The following CRPPA variants were observed in gnomAD, a reference collection of about 807,000 sequenced individuals.
CRPPA encodes the protein CDP-L-ribitol pyrophosphorylase A.
In CRPPA, 43 loss-of-function variants were observed where a neutral mutation model predicts 52.0. The ratio of observed to expected loss-of-function variants is 0.83; its 90% confidence interval spans 0.65 to 1.07. The LOEUF is 1.07. CRPPA is among the 50% of genes least tolerant of loss of function. CRPPA has a pLI of 0.00. For synonymous variants in CRPPA, 250 were observed against 203.5 expected (o/e 1.23, Z -1.94); for missense variants, 629 against 551.7 (o/e 1.14, Z -1.40).
intron 2 of CRPPA, among the ~76,000 whole-genome samples, chr7:16,397,284 A>G (rs1268279229): frequency 6.6e-6 from 1 of 152,190 alleles, no homozygotes; most frequent in Non-Finnish European, 1.5e-5. Context: ...GGGTGACACA[A>G]TTGTGACAAG....
intron 3 of CRPPA, among the ~76,000 whole-genome samples, chr7:16,360,877 C>G (rs1786425485): frequency 6.6e-6 from 1 of 151,912 alleles, no homozygotes; most frequent in Non-Finnish European, 1.5e-5. Flanking sequence ...ATAAATTAGA[C>G]CATATCTAAA....
chr7:16,286,039 ATATAAATATATATATATATAT>A (rs1784428548), intron 5 of CRPPA, among the ~76,000 whole-genome samples: 16 of 23,950 alleles, frequency 6.7e-4, no homozygotes, highest in African/African-American at 4.5e-3. Flanking sequence ...AAAAAAAAAA[ATATAAATATATATATATATAT>A]ATATATATAT....
intron 2 of CRPPA, among the ~76,000 whole-genome samples, chr7:16,401,309 T>C (rs1787812243): frequency 6.6e-6 from 1 of 152,212 alleles, no homozygotes; most frequent in East Asian, 1.9e-4. Context: ...TTCTTTATTA[T>C]TCAACAGACT....
At chr7:16,221,881 A>C (rs1368946730) in intron 8 of CRPPA, among the ~76,000 whole-genome samples, 4 of 151,500 alleles carry the variant, frequency 2.6e-5, no homozygotes, top group African/African-American at 9.7e-5. Flanking sequence ...TGTGGAAGTC[A>C]GTGTGGCGAT....
At chr7:16,301,386 A>G in intron 5 of CRPPA, 35 bp downstream of exon 5, 1 of 1,582,456 alleles carries the variant, frequency 6.3e-7, no homozygotes, top group South Asian at 1.1e-5. Context: ...ACATTTTTGA[A>G]ACACAGGAAC....
intron 2 of CRPPA, among the ~76,000 whole-genome samples, chr7:16,387,070 T>TATATATATATACAC (rs1410453066): frequency 1.5e-4 from 10 of 67,584 alleles, no homozygotes; most frequent in South Asian, 6.8e-4. Flanking sequence ...TATATATATA[T>TATATATATATACAC]ATATATATAT....
At position 16,406,260 on chromosome 7, in the gene CRPPA, TA is replaced by T; in HGVS notation, c.334del (p.Tyr112IlefsTer13). On this transcript the variant is annotated frameshift_variant, in exon 2 of 10. Coordinates refer to ENST00000407010, the MANE Select transcript of CRPPA (RefSeq NM_001101426.4). LOFTEE classifies it high-confidence loss of function. ...MEVMKSIIQK[Y>X]QHKRISLVEA... ...GACCAGTGAGATGCGTTTATGCTGATACTTCTGAATAATACTTTTCATTACT... is the reference window on the plus strand; with the variant it reads ...GACCAGTGAGATGCGTTTATGCTGATCTTCTGAATAATACTTTTCATTACT... 6.2e-7 allele frequency: 1 copy of T among 1,613,940 alleles called. No homozygotes were observed. Among genetic ancestry groups the T allele is most frequent in the Non-Finnish European group, 8.5e-7 (1 of 1,179,830 alleles).
intron 9 of CRPPA, among the ~76,000 whole-genome samples, chr7:16,162,755 C>T (rs74415581): frequency 6.6e-6 from 1 of 152,024 alleles, no homozygotes; most frequent in Non-Finnish European, 1.5e-5. Flanking sequence ...TCTCATTGAT[C>T]TGTCTAATAT....
Position 16,286,858 on chromosome 7 carries a change from C to T in CRPPA, c.836-8632G>A, listed in dbSNP as rs903684155. ...GAATCTAAGTATTCCTGAGGAAAGGCTTTTCAGTATAGGGTTTCAGAAAAA... is the reference window on the plus strand; with the variant it reads ...GAATCTAAGTATTCCTGAGGAAAGGTTTTTCAGTATAGGGTTTCAGAAAAA... On this transcript the variant is annotated intron_variant, in intron 5 of 9. Coordinates refer to ENST00000407010, the MANE Select transcript of CRPPA (RefSeq NM_001101426.4). Among the ~76,000 whole-genome samples, 17 of 152,248 alleles carry T rather than the reference C, an allele frequency of 1.1e-4. No homozygotes were observed. The East Asian group carries it at 2.9e-3, about 26-fold the overall frequency.
chr7:16,272,865 C>A (rs1431088712), intron 6 of CRPPA, among the ~76,000 whole-genome samples: 1 of 151,938 alleles, frequency 6.6e-6, no homozygotes, highest in African/African-American at 2.4e-5. Context: ...TTCCCTATTT[C>A]CATTTGTAAA....
rs553805946 is a variant in CRPPA, at chr7:16,211,009, A to G, written c.1251+5057T>C. On this transcript the variant is annotated intron_variant, in intron 9 of 9. Coordinates refer to ENST00000407010, the MANE Select transcript of CRPPA (RefSeq NM_001101426.4). ...TTCCTAGCACAAAGAAAAGATAAAT[A>G]TTCAAGGTGATGAATATCCTGATTA... Among the ~76,000 whole-genome samples the G allele has an allele frequency of 3.3e-4, 50 of 152,322 alleles. 1 individual carries two copies. Among genetic ancestry groups the G allele is most frequent in the African/African-American group, 1.2e-3 (48 of 41,576 alleles).
chr7:16,399,651 C>G (rs1335053389), intron 2 of CRPPA, among the ~76,000 whole-genome samples: 3 of 151,700 alleles, frequency 2.0e-5, no homozygotes, highest in Non-Finnish European at 4.4e-5. Context: ...GACATGTAAT[C>G]AACGTGTGAC....
intron 3 of CRPPA, among the ~76,000 whole-genome samples, chr7:16,364,185 G>T (rs1786528763): frequency 6.6e-6 from 1 of 152,086 alleles, no homozygotes; most frequent in African/African-American, 2.4e-5. Flanking sequence ...TTACATTAAG[G>T]CATAAAATGT....
At chr7:16,154,037 G>A (rs1467580575) in intron 9 of CRPPA, among the ~76,000 whole-genome samples, 1 of 149,940 alleles carries the variant, frequency 6.7e-6, no homozygotes, top group East Asian at 1.9e-4. Context: ...AATGGCTTGT[G>A]GCTCTCAGGT....
intron 3 of CRPPA, among the ~76,000 whole-genome samples, chr7:16,334,448 C>T (rs949044048): frequency 6.6e-6 from 1 of 152,216 alleles, no homozygotes; most frequent in Non-Finnish European, 1.5e-5. Context: ...CTTCAGTGCT[C>T]TGCTTAATTT....
intron 9 of CRPPA, among the ~76,000 whole-genome samples, chr7:16,214,687 G>A (rs1782256647): frequency 6.6e-6 from 1 of 152,024 alleles, no homozygotes; most frequent in Non-Finnish European, 1.5e-5. Flanking sequence ...TAACTTTTTT[G>A]TAGAGACAAG....
intron 2 of CRPPA, among the ~76,000 whole-genome samples, chr7:16,385,182 G>C (rs186025803): frequency 2.6e-4 from 39 of 151,886 alleles, no homozygotes; most frequent in Middle Eastern, 3.4e-3. Context: ...ACACCATTAA[G>C]TACACAACAA....
intron 8 of CRPPA, among the ~76,000 whole-genome samples, chr7:16,241,068 A>G (rs1222481883): frequency 3.3e-5 from 5 of 152,150 alleles, no homozygotes; most frequent in African/African-American, 1.2e-4. Context: ...ACAGTAATAC[A>G]CTAGATTGAT....
chr7:16,093,706 T>C (rs945577220), intron 9 of CRPPA, among the ~76,000 whole-genome samples: 1 of 152,204 alleles, frequency 6.6e-6, no homozygotes, highest in African/African-American at 2.4e-5. Flanking sequence ...TAAAATATGA[T>C]TGATTTATAT....
Sources: gnomAD v4.1 joint callset for allele counts (sites outside exome capture counted in the v4.1 genomes callset) on GRCh38, gnomAD v4.1.1 for gene constraint, MANE v1.5 for transcripts, NCBI Gene and HGNC (gene_info 2026-07-23, HGNC 2026-07-21) for gene names.